The following OR51B5 variants were observed in gnomAD, a reference collection of about 807,000 sequenced individuals.
OR51B5 encodes olfactory receptor 51B5.
For missense variants in OR51B5, 456 were observed against 374.6 expected, an observed-to-expected ratio of 1.22 and a Z score of -1.79; for synonymous variants, 186 against 144.8, an observed-to-expected ratio of 1.28 and a Z score of -2.04.
chr11:5,421,434 G>A (rs538892555), intron 1 of OR51B5, among the ~76,000 whole-genome samples: 16 of 152,350 alleles, frequency 1.1e-4, no homozygotes, highest in South Asian at 4.1e-4. Flanking sequence ...GAATTAATAC[G>A]AGTTATCCAC....
At chr11:5,412,587 C>T (rs370046146) in intron 1 of OR51B5, among the ~76,000 whole-genome samples, 1 of 152,206 alleles carries the variant, frequency 6.6e-6, no homozygotes, top group African/African-American at 2.4e-5. Context: ...CACTGCCACC[C>T]GAATACTGCG....
At chr11:5,351,494 T>C (rs1434886741) in intron 1 of OR51B5, 1 of 1,595,270 alleles carries the variant, frequency 6.3e-7, no homozygotes, top group Non-Finnish European at 8.5e-7. Flanking sequence ...ATTTGCCTCT[T>C]TGCAAAGCTG....
chr11:5,475,280 A>G (rs1851286600), intron 1 of OR51B5, among the ~76,000 whole-genome samples: 1 of 152,176 alleles, frequency 6.6e-6, no homozygotes, highest in Non-Finnish European at 1.5e-5. Context: ...CCTGTAAAAC[A>G]CTGTGTAATA....
intron 1 of OR51B5, among the ~76,000 whole-genome samples, chr11:5,375,685 A>T (rs1449323807): frequency 6.6e-6 from 1 of 152,168 alleles, no homozygotes; most frequent in Non-Finnish European, 1.5e-5. Context: ...AACAGGCTTT[A>T]AACCAACAAA....
At chr11:5,502,688 G>A (rs1846313741) in intron 1 of OR51B5, among the ~76,000 whole-genome samples, 1 of 152,174 alleles carries the variant, frequency 6.6e-6, no homozygotes, top group Admixed American at 6.5e-5. Context: ...TCTTGGACTA[G>A]ACACTTTACC....
rs75370776 is a variant in OR51B5, at chr11:5,352,422, C to G, written n.85-5512G>C. On this transcript the variant is annotated intron_variant and non_coding_transcript_variant, in intron 1 of 4. Transcript: ENST00000415970. ...TTCAGAGTGGCATACTTCGTTTATTCTCTCTGCCTCACTCTAGAGCATGAC... is the reference window on the plus strand; with the variant it reads ...TTCAGAGTGGCATACTTCGTTTATTGTCTCTGCCTCACTCTAGAGCATGAC... 4.2e-3 allele frequency: 6,728 copies of G among 1,599,860 alleles called. 23 individuals are homozygous for G. The highest frequency in any genetic ancestry group is 5.1e-3 in the Non-Finnish European group (5,991 of 1,171,650).
chr11:5,448,964 T>C (rs1350589657), intron 1 of OR51B5, among the ~76,000 whole-genome samples: 1 of 152,238 alleles, frequency 6.6e-6, no homozygotes, highest in Non-Finnish European at 1.5e-5. Context: ...ACTCAATATA[T>C]TTAAAGAGAC....
chr11:5,477,321 G>C (rs449825), intron 1 of OR51B5, among the ~76,000 whole-genome samples: 89,937 of 151,962 alleles, frequency 0.59, 26,970 homozygotes, highest in South Asian at 0.66. Flanking sequence ...TGAGCACAGA[G>C]GTGCACTTGG....
chr11:5,471,156 T>C (rs1851222208), intron 1 of OR51B5, among the ~76,000 whole-genome samples: 1 of 152,204 alleles, frequency 6.6e-6, no homozygotes, highest in Non-Finnish European at 1.5e-5. Context: ...CAGCTTAAAT[T>C]TTAGTGCATT....
At chr11:5,366,031 A>G (rs1373421419) in intron 1 of OR51B5, among the ~76,000 whole-genome samples, 1 of 151,220 alleles carries the variant, frequency 6.6e-6, no homozygotes, top group Admixed American at 6.6e-5. Context: ...CAACCACCCT[A>G]TGGAGCAGCC....
In OR51B5 at chr11:5,343,387, GAGA is replaced by G. The variant is rs770781282; in HGVS notation, c.135_137del (p.Leu46del). Reference sequence around the variant, plus strand: ...CATGAAGATTGTGATCTTCCTTAATGAGAAGAAGGAGGGTGCCATTGCCAAAAA... The same window carrying G: ...CATGAAGATTGTGATCTTCCTTAATGAGAAGGAGGGTGCCATTGCCAAAAA... On this transcript the variant is annotated inframe_deletion, in exon 1 of 1. Coordinates refer to ENST00000300773, the Ensembl canonical transcript of OR51B5. The G allele has an allele frequency of 5.6e-6, 9 of 1,613,788 alleles. No homozygotes were observed. The East Asian group carries it at 8.9e-5, about 16-fold the overall frequency.
At chr11:5,466,559 A>T (rs1195375494) in intron 1 of OR51B5, among the ~76,000 whole-genome samples, 1 of 152,258 alleles carries the variant, frequency 6.6e-6, no homozygotes, top group African/African-American at 2.4e-5. Flanking sequence ...TATCATCAGC[A>T]TGGCCCTGAG....
chr11:5,412,514 G>T (rs894535289), intron 1 of OR51B5, among the ~76,000 whole-genome samples: 7 of 152,156 alleles, frequency 4.6e-5, no homozygotes, highest in Admixed American at 1.3e-4. Flanking sequence ...AAGCGCAAGG[G>T]GTCAGGGAGT....
chr11:5,382,045 A>G (rs536033886), intron 1 of OR51B5, among the ~76,000 whole-genome samples: 9 of 152,304 alleles, frequency 5.9e-5, no homozygotes, highest in South Asian at 4.1e-4. Flanking sequence ...ATTGTTAACA[A>G]TGTACTCTGG....
At chr11:5,343,096 C>T (rs1331167967) in exon 1 of OR51B5, 1 of 1,613,044 alleles carries the variant, frequency 6.2e-7, no homozygotes, top group South Asian at 1.1e-5. Context: ...GAACTCCCAG[C>T]CCAATCTTCA....
At chr11:5,427,515 CAG>C (rs908002791) in intron 1 of OR51B5, among the ~76,000 whole-genome samples, 22 of 152,142 alleles carry the variant, frequency 1.4e-4, no homozygotes, top group African/African-American at 5.1e-4. Flanking sequence ...CAGATAAACA[CAG>C]AAATATTTAT....
At chr11:5,373,537 T>G (rs1050246012) in intron 1 of OR51B5, among the ~76,000 whole-genome samples, 6 of 152,100 alleles carry the variant, frequency 3.9e-5, no homozygotes, top group Admixed American at 2.0e-4. Flanking sequence ...ATTGCCTCAC[T>G]TGGGAAGCAC....
intron 1 of OR51B5, among the ~76,000 whole-genome samples, chr11:5,446,751 C>T (rs1564816224): frequency 6.6e-6 from 1 of 152,324 alleles, no homozygotes; most frequent in Non-Finnish European, 1.5e-5. Context: ...TCTTCCCCCA[C>T]AGGACTCTCT....
chr11:5,446,883 G>T (rs887951535), intron 1 of OR51B5, among the ~76,000 whole-genome samples: 4 of 152,184 alleles, frequency 2.6e-5, no homozygotes, highest in African/African-American at 9.7e-5. Flanking sequence ...AGTGCGTAAG[G>T]TTTTAGGGAT....
Sources: allele counts gnomAD v4.1 joint callset (sites outside exome capture counted in the v4.1 genomes callset), GRCh38; gene constraint gnomAD v4.1.1; transcripts MANE v1.5; gene names NCBI Gene and HGNC (gene_info 2026-07-23, HGNC 2026-07-21).